SND1: variants seen among roughly 807,000 people sequenced by gnomAD.
SND1 encodes staphylococcal nuclease domain-containing protein 1.
In SND1, 38 loss-of-function variants were observed where a neutral mutation model predicts 121.7. The ratio of observed to expected loss-of-function variants is 0.31; its 90% CI spans 0.24 to 0.41. The LOEUF is 0.41. Ranked by LOEUF, SND1 falls within the 10% of genes least tolerant of loss-of-function variation. The pLI is 1.00. For missense variants in SND1, 868 were observed against 1,184.6 expected, an observed-to-expected ratio of 0.73 and a Z score of 3.92; for synonymous variants, 401 against 447.4, an observed-to-expected ratio of 0.90 and a Z score of 1.31.
chr7:128,062,137 T>C (rs368887279), intron 16 of SND1, among the ~76,000 whole-genome samples: 43 of 152,234 alleles, frequency 2.8e-4, no homozygotes, highest in African/African-American at 9.6e-4. Context: ...CGATCTGGAG[T>C]GTAGGTTAAC....
intron 12 of SND1, among the ~76,000 whole-genome samples, chr7:127,880,068 A>T (rs1799762031): frequency 6.6e-6 from 1 of 152,190 alleles, no homozygotes; most frequent in Admixed American, 6.5e-5. Flanking sequence ...CATAAATTTT[A>T]AATTGTGTGC....
intron 11 of SND1, among the ~76,000 whole-genome samples, chr7:127,838,112 T>C (rs1563030800): frequency 6.6e-6 from 1 of 152,064 alleles, no homozygotes; most frequent in Non-Finnish European, 1.5e-5. Context: ...TGGGAAGGGC[T>C]TACAGAACAG....
intron 10 of SND1, among the ~76,000 whole-genome samples, chr7:127,805,432 T>A (rs1013597531): frequency 6.6e-6 from 1 of 152,212 alleles, no homozygotes; most frequent in Non-Finnish European, 1.5e-5. Context: ...ATGATCATTA[T>A]GCCCTCTGCC....
At chr7:127,780,093 A>G (rs1361745604) in intron 10 of SND1, among the ~76,000 whole-genome samples, 2 of 152,300 alleles carry the variant, frequency 1.3e-5, no homozygotes, top group African/African-American at 2.4e-5. Flanking sequence ...CTTGAAGATC[A>G]TAGACACTTG....
intron 15 of SND1, among the ~76,000 whole-genome samples, chr7:127,969,697 C>T (rs574957044): frequency 6.6e-6 from 1 of 152,154 alleles, no homozygotes; most frequent in South Asian, 2.1e-4. Context: ...CACTGCATTC[C>T]ATCCTGGGCA....
At chr7:127,872,254 A>G (rs1584632154) in intron 12 of SND1, among the ~76,000 whole-genome samples, 1 of 152,308 alleles carries the variant, frequency 6.6e-6, no homozygotes, top group South Asian at 2.1e-4. Flanking sequence ...GAGGTGAAGC[A>G]GCTATAGAGA....
chr7:127,742,801 G>GAAT (rs1226629221), intron 10 of SND1, among the ~76,000 whole-genome samples: 1 of 152,124 alleles, frequency 6.6e-6, no homozygotes, highest in Non-Finnish European at 1.5e-5. Flanking sequence ...GTGGTGGTGG[G>GAAT]AATAACTCAA....
intron 11 of SND1, among the ~76,000 whole-genome samples, chr7:127,826,434 C>T (rs543326218): frequency 2.6e-5 from 4 of 152,010 alleles, no homozygotes; most frequent in Admixed American, 1.3e-4. Flanking sequence ...AAATTATAGT[C>T]ATCTAGATTT....
intron 16 of SND1, among the ~76,000 whole-genome samples, chr7:128,004,550 C>T (rs1802914786): frequency 6.6e-6 from 1 of 152,206 alleles, no homozygotes; most frequent in Non-Finnish European, 1.5e-5. Flanking sequence ...AAATCTTTTG[C>T]ATTGCCTTTT....
In SND1 at chr7:127,761,693, A is replaced by G. The variant is rs567690671; in HGVS notation, c.1152+40293A>G. ...TATTGGTCATTTGGCCCCATTCTTT[A>G]TACCCATCTTTCCTTGAAACCTGTT... On this transcript the variant is annotated intron_variant, in intron 10 of 23. Coordinates refer to ENST00000354725, the MANE Select transcript of SND1 (RefSeq NM_014390.4). Among the ~76,000 whole-genome samples, 3 of 152,284 alleles carry G rather than the reference A, an allele frequency of 2.0e-5. No homozygotes were observed. The East Asian group carries it at 5.8e-4, about 29-fold the overall frequency.
chr7:127,781,038 A>T (rs1797710320), intron 10 of SND1, among the ~76,000 whole-genome samples: 1 of 152,208 alleles, frequency 6.6e-6, no homozygotes, highest in Non-Finnish European at 1.5e-5. Context: ...CGGGACATCA[A>T]AGAATAAAAG....
At chr7:127,719,672 T>C (rs1796455808) in intron 9 of SND1, among the ~76,000 whole-genome samples, 1 of 152,238 alleles carries the variant, frequency 6.6e-6, no homozygotes, top group Admixed American at 6.5e-5. Flanking sequence ...ATTTTAAGTA[T>C]AGTAGAAAAT....
At chr7:128,047,187 C>T (rs1048076722) in intron 16 of SND1, among the ~76,000 whole-genome samples, 11 of 152,188 alleles carry the variant, frequency 7.2e-5, no homozygotes, top group African/African-American at 2.2e-4. Context: ...TCAGCATTTT[C>T]CTGAGTCACA....
intron 14 of SND1, among the ~76,000 whole-genome samples, chr7:127,923,941 G>A (rs1800777377): frequency 6.6e-6 from 1 of 151,808 alleles, no homozygotes; most frequent in Non-Finnish European, 1.5e-5. Flanking sequence ...CTGCTTTAGA[G>A]CACATTTGCT....
At chr7:127,790,831 G>A (rs1177269273) in intron 10 of SND1, among the ~76,000 whole-genome samples, 1 of 152,168 alleles carries the variant, frequency 6.6e-6, no homozygotes, top group Non-Finnish European at 1.5e-5. Flanking sequence ...TGGCATCTGA[G>A]TCAACAAAAT....
chr7:127,731,105 C>G (rs1303905595), intron 10 of SND1, among the ~76,000 whole-genome samples: 1 of 152,210 alleles, frequency 6.6e-6, no homozygotes, highest in Non-Finnish European at 1.5e-5. Context: ...GCCAGGGCTC[C>G]CCTTCCAGCC....
intron 16 of SND1, among the ~76,000 whole-genome samples, chr7:128,022,153 C>T (rs1027313568): frequency 1.1e-4 from 15 of 137,676 alleles, no homozygotes; most frequent in Admixed American, 1.6e-4. Flanking sequence ...TGCAGTGAGC[C>T]GAGATCACAC....
chr7:127,795,146 A>G (rs1797991956), intron 10 of SND1, among the ~76,000 whole-genome samples: 1 of 152,232 alleles, frequency 6.6e-6, no homozygotes, highest in Non-Finnish European at 1.5e-5. Context: ...TTAGCTAGGT[A>G]GAAAGATGCT....
At chr7:128,006,485 T>A (rs1264046749) in intron 16 of SND1, among the ~76,000 whole-genome samples, 1 of 152,174 alleles carries the variant, frequency 6.6e-6, no homozygotes, top group African/African-American at 2.4e-5. Context: ...GAATGGCAAA[T>A]ATGTATTAGT....
Sources: gnomAD v4.1 joint callset for allele counts (sites outside exome capture counted in the v4.1 genomes callset) on GRCh38, gnomAD v4.1.1 for gene constraint, MANE v1.5 for transcripts, NCBI Gene and HGNC (gene_info 2026-07-23, HGNC 2026-07-21) for gene names.